The following SLC25A53 variants were observed in gnomAD, a reference collection of about 807,000 sequenced individuals.
SLC25A53 encodes the protein solute carrier family 25 member 53.
SLC25A53 carries 5 observed loss-of-function variants against 15.0 expected under a neutral mutation model. The ratio of observed to expected loss-of-function variants is 0.33; its 90% CI spans 0.17 to 0.70. The LOEUF is 0.70. Among genes scored for constraint, SLC25A53 ranks in the 30% least tolerant of loss-of-function variants. SLC25A53 has a pLI of 0.67. For synonymous variants in SLC25A53, 95 were observed against 100.0 expected (o/e 0.95, Z 0.30); for missense variants, 216 against 241.6 (o/e 0.89, Z 0.70).
At chrX:104,126,545 T>G (rs916653847) in intron 1 of SLC25A53, among the ~76,000 whole-genome samples, 2 of 110,657 alleles carry the variant, frequency 1.8e-5, no homozygotes, top group African/African-American at 6.6e-5. Flanking sequence ...TCCTGGGTAC[T>G]CAGGAGGCTG....
At chrX:104,132,865 G>C (rs782035262) in intron 1 of SLC25A53, among the ~76,000 whole-genome samples, 2 of 111,744 alleles carry the variant, frequency 1.8e-5, no homozygotes, top group East Asian at 5.7e-4. Context: ...TAAAATCTTG[G>C]AATGGAGAGA....
chrX:104,123,896 CT>C (rs201212512), intron 1 of SLC25A53, among the ~76,000 whole-genome samples: 2 of 111,315 alleles, frequency 1.8e-5, no homozygotes, highest in Non-Finnish European at 3.8e-5. Flanking sequence ...ATGAACTCAT[CT>C]TTTTTTATAT....
chrX:104,131,615 C>T (rs1422403044), intron 1 of SLC25A53, among the ~76,000 whole-genome samples: 3 of 111,593 alleles, frequency 2.7e-5, no homozygotes, highest in Non-Finnish European at 5.6e-5. Flanking sequence ...CCTCCCCTAG[C>T]TTCTGTATAT....
At chrX:104,154,245 C>A (rs1411633200) in intron 1 of SLC25A53, among the ~76,000 whole-genome samples, 2 of 112,199 alleles carry the variant, frequency 1.8e-5, no homozygotes, top group Non-Finnish European at 3.8e-5. Context: ...AAATGCTCAA[C>A]ATCACTAATC....
chrX:104,150,188 G>A (rs945870830), intron 1 of SLC25A53, among the ~76,000 whole-genome samples: 3 of 104,612 alleles, frequency 2.9e-5, no homozygotes, highest in Non-Finnish European at 5.8e-5. Context: ...AGCTGAGATC[G>A]CACCACTGCA....
chrX:104,131,149 G>A (rs1417607164), intron 1 of SLC25A53: 3 of 111,753 alleles, frequency 2.7e-5, no homozygotes, highest in Non-Finnish European at 3.8e-5. Flanking sequence ...TGGGCTGTGC[G>A]TTCTCTCTCC....
Position 104,105,260 on chromosome X carries a change from T to C in SLC25A53, c.-3A>G. 8.4e-7 allele frequency: 1 copy of C among 1,192,946 alleles called. No homozygotes were observed. Among genetic ancestry groups the C allele is most frequent in the Non-Finnish European group, 1.1e-6 (1 of 885,158 alleles). Reference sequence around the variant, plus strand: ...GGAGAGTGGTTCTGCTCCCCCATGCTGAAGACAACTGGGTGCAGATGGAAG... The same window carrying C: ...GGAGAGTGGTTCTGCTCCCCCATGCCGAAGACAACTGGGTGCAGATGGAAG... On this transcript the variant is annotated 5_prime_UTR_variant, in exon 2 of 2. Transcript: ENST00000594199.
In SLC25A53 at chrX:104,105,143, A is replaced by G. The variant is rs781870494; in HGVS notation, c.115T>C (p.Phe39Leu). 1 of 1,212,213 alleles carries G rather than the reference A, an allele frequency of 8.2e-7. No homozygotes were observed. Among genetic ancestry groups the G allele is most frequent in the South Asian group, 1.8e-5 (1 of 57,036 alleles). ...QAYALGAVSN[F>L]MSTFLTFPIY... ...GGAAAGGTCAGAAAAGTAGACATAA[A>G]GTTGGAAACGGCCCCAAGGGCATAG... Residue 39 changes from phenylalanine (F) to leucine (L), a missense_variant, in exon 2 of 2, where the codon TTT (phenylalanine) becomes CTT (leucine). Transcript: ENST00000594199.
intron 1 of SLC25A53, among the ~76,000 whole-genome samples, chrX:104,122,777 T>C (rs2075399094): frequency 9.0e-6 from 1 of 111,115 alleles, no homozygotes; most frequent in Admixed American, 9.6e-5. Context: ...GTCAAGGAGA[T>C]ATATTTTTAT....
chrX:104,131,687 T>G (rs1293803985), intron 1 of SLC25A53, among the ~76,000 whole-genome samples: 1 of 111,420 alleles, frequency 9.0e-6, no homozygotes, highest in East Asian at 2.8e-4. Context: ...TCTCCCCTTA[T>G]CTACTGGGTT....
chrX:104,106,275 A>G (rs1238900587), intron 1 of SLC25A53, among the ~76,000 whole-genome samples: 3 of 111,423 alleles, frequency 2.7e-5, no homozygotes, highest in Non-Finnish European at 5.7e-5. Flanking sequence ...CTTGGAAGCC[A>G]GGACATATGA....
intron 1 of SLC25A53, among the ~76,000 whole-genome samples, chrX:104,127,620 T>C (rs1556364713): frequency 8.9e-6 from 1 of 111,840 alleles, no homozygotes. Context: ...ACTCTGTACT[T>C]TTGCAACTTC....
intron 1 of SLC25A53, among the ~76,000 whole-genome samples, chrX:104,141,684 C>T (rs1001917992): frequency 3.6e-5 from 4 of 111,421 alleles, no homozygotes; most frequent in Non-Finnish European, 5.7e-5. Flanking sequence ...ACCGCCTCAG[C>T]TCAAGCGATC....
intron 1 of SLC25A53, among the ~76,000 whole-genome samples, chrX:104,156,082 G>T (rs1222661010): frequency 1.0e-5 from 1 of 96,094 alleles, no homozygotes; most frequent in Non-Finnish European, 2.1e-5. Context: ...AAGAAAGAAA[G>T]AAAAAAAAAA....
In SLC25A53 at chrX:104,108,755, C is replaced by T. The variant is rs188392185; in HGVS notation, c.-31-3467G>A. Reference sequence around the variant, plus strand: ...CACATGGGTAGACTGTGTGACTGCCCCAGGATCCAGCCACAAATGAATGCA... The same window carrying T: ...CACATGGGTAGACTGTGTGACTGCCTCAGGATCCAGCCACAAATGAATGCA... On this transcript the variant is annotated intron_variant, in intron 1 of 1. Transcript: ENST00000594199. 9.0e-4 allele frequency among the ~76,000 whole-genome samples: 101 copies of T among 111,667 alleles called. 1 individual carries two copies. The highest frequency in any genetic ancestry group is 3.2e-3 in the African/African-American group (99 of 30,681).
In SLC25A53 at chrX:104,099,503, A is replaced by G. The variant is rs186661678; in HGVS notation, c.*4831T>C. On this transcript the variant is annotated 3_prime_UTR_variant, in exon 2 of 2. Transcript: ENST00000594199. ...TCATGGTATATTTATACAATGGTAA[A>G]CTGTACAACAATAAAAATGGATCAA... 1.8e-5 allele frequency: 2 copies of G among 112,229 alleles called. No homozygotes were observed. The highest frequency in any genetic ancestry group is 5.6e-4 in the East Asian group (2 of 3,585). 9.2% of individuals were successfully genotyped at this position (112,229 alleles called of 1,213,427 possible).
rs2075373479 is a variant in SLC25A53 at position 104,115,486 on chromosome X, T to G, written c.-31-10198A>C. On this transcript the variant is annotated intron_variant, in intron 1 of 1. Transcript: ENST00000594199. Reference sequence around the variant, plus strand: ...GCATACCAGCACAGTGGATGGGGAATGGTGTGACCTCTGTCCCTGCTCTCT... The same window carrying G: ...GCATACCAGCACAGTGGATGGGGAAGGGTGTGACCTCTGTCCCTGCTCTCT... The G allele has an allele frequency of 1.1e-5, 5 of 469,085 alleles. No individual in the cohort carries two copies. In the South Asian group the frequency reaches 2.1e-4, roughly 20 times the overall value. 38.7% of individuals were successfully genotyped at this position (469,085 alleles called of 1,213,427 possible).
In SLC25A53 at chrX:104,111,191, T is replaced by A. The variant is rs782006320; in HGVS notation, c.-31-5903A>T. On this transcript the variant is annotated intron_variant, in intron 1 of 1. Coordinates refer to ENST00000594199, the MANE Select transcript of SLC25A53 (RefSeq NM_001012755.5). ...CCTCAGAATCAACTACAGGGCTGGTTAAAACTACAAATCACACTCTTCACC... is the reference window on the plus strand; with the variant it reads ...CCTCAGAATCAACTACAGGGCTGGTAAAAACTACAAATCACACTCTTCACC... Among the ~76,000 whole-genome samples, 4 of 112,371 alleles carry A rather than the reference T, an allele frequency of 3.6e-5. No homozygotes were observed. The East Asian group carries it at 1.1e-3, about 32-fold the overall frequency.
At chrX:104,131,727 A>T (rs1329471259) in intron 1 of SLC25A53, among the ~76,000 whole-genome samples, 1 of 110,870 alleles carries the variant, frequency 9.0e-6, no homozygotes, top group Non-Finnish European at 1.9e-5. Context: ...CACTCTGTAT[A>T]TGCTACCTAG....
Sources: gnomAD v4.1 joint callset for allele counts (sites outside exome capture counted in the v4.1 genomes callset) on GRCh38, gnomAD v4.1.1 for gene constraint, MANE v1.5 for transcripts, NCBI Gene and HGNC (gene_info 2026-07-23, HGNC 2026-07-21) for gene names.